The following STK3 variants were observed in gnomAD, a reference collection of about 807,000 sequenced individuals.
STK3 encodes serine/threonine kinase 3.
Under a neutral mutation model 58.0 loss-of-function variants are expected in STK3, and 41 were observed. That is an observed-to-expected ratio of 0.71 (90% CI 0.55 to 0.92). The LOEUF is 0.92. Among genes scored for constraint, STK3 ranks in the 40% least tolerant of loss-of-function variants. The pLI is 0.00. For missense variants in STK3, 479 were observed against 602.7 expected, an observed-to-expected ratio of 0.79 and a Z score of 2.15; for synonymous variants, 170 against 191.0, an observed-to-expected ratio of 0.89 and a Z score of 0.91.
At chr8:98,716,989 C>A (rs1193156951) in intron 4 of STK3, among the ~76,000 whole-genome samples, 3 of 151,974 alleles carry the variant, frequency 2.0e-5, no homozygotes, top group Non-Finnish European at 4.4e-5. Context: ...TAAGTAGAAT[C>A]CTTACCTAGC....
intron 3 of STK3, among the ~76,000 whole-genome samples, chr8:98,417,089 C>T (rs1425719015): frequency 6.6e-6 from 1 of 152,192 alleles, no homozygotes; most frequent in Admixed American, 6.5e-5. Context: ...CACATGTGGG[C>T]TCAGAGCAGA....
At chr8:98,418,747 A>G (rs1232140751) in intron 3 of STK3, among the ~76,000 whole-genome samples, 1 of 152,048 alleles carries the variant, frequency 6.6e-6, no homozygotes, top group East Asian at 1.9e-4. Flanking sequence ...GGGTTTTTGG[A>G]GCAGGGTCCT....
chr8:98,384,987 G>T (rs372498238), intron 1 of STK3, among the ~76,000 whole-genome samples: 2 of 152,116 alleles, frequency 1.3e-5, no homozygotes, highest in African/African-American at 4.8e-5. Flanking sequence ...TCACCTTATG[G>T]CCCTCCCACA....
chr8:98,501,704 C>T (rs142610228), intron 10 of STK3, among the ~76,000 whole-genome samples: 1,662 of 152,312 alleles, frequency 0.011, 24 homozygotes, highest in African/African-American at 0.037. Flanking sequence ...TGCCAAAGAT[C>T]AGATGGTTGT....
chr8:98,530,174 C>G (rs1044256375), intron 9 of STK3, among the ~76,000 whole-genome samples: 1 of 152,088 alleles, frequency 6.6e-6, no homozygotes, highest in Non-Finnish European at 1.5e-5. Flanking sequence ...TTCTTTTTAA[C>G]TTTTAAGGTC....
At chr8:98,776,632 G>A (rs921190802) in intron 1 of STK3, among the ~76,000 whole-genome samples, 2 of 152,082 alleles carry the variant, frequency 1.3e-5, no homozygotes, top group African/African-American at 4.8e-5. Flanking sequence ...TATTGTCGAT[G>A]ACTGGAACAC....
At chr8:98,574,776 A>T (rs890384611) in intron 8 of STK3, among the ~76,000 whole-genome samples, 1 of 152,184 alleles carries the variant, frequency 6.6e-6, no homozygotes, top group African/African-American at 2.4e-5. Context: ...TCCATGAAAA[A>T]GGAAGAACTC....
In STK3 at chr8:98,428,938, C is replaced by A; in HGVS notation, n.483+5189G>T. 6.2e-7 allele frequency: 1 copy of A among 1,614,098 alleles called. No homozygotes were observed. Among genetic ancestry groups the A allele is most frequent in the Non-Finnish European group, 8.5e-7 (1 of 1,180,016 alleles). On this transcript the variant is annotated intron_variant and non_coding_transcript_variant, in intron 3 of 3. Coordinates refer to the STK3 transcript ENST00000517832. This position sits in a 1 kb window ranked among gnomAD's most constrained non-coding sequence, Gnocchi z 6.7. ...TCCACTGGCCTCCGCTCCCTGGGGG[C>A]CACTTTGAAATACAGCTACAAAGAA... is the stretch of plus-strand genomic sequence containing the variant.
rs1564087231 is a variant in STK3 at position 98,893,482 on chromosome 8, GAAAGAGAAAGAAAGAA to G, written c.-78-9664_-78-9649del. On this transcript the variant is annotated intron_variant, in intron 1 of 1. Coordinates refer to the STK3 transcript ENST00000519420. ...AGAAAGAAAGAAAGAAAGAAAGAAA[GAAAGAGAAAGAAAGAA>G]AGAAAGAAAGAAAGAAAGAAAGAAA... 8.6e-3 allele frequency among the ~76,000 whole-genome samples: 483 copies of G among 56,248 alleles called. 3 individuals are homozygous for G. The highest frequency in any genetic ancestry group is 0.018 in the East Asian group (35 of 1,904). 36.9% of individuals were successfully genotyped at this position (56,248 alleles called of 152,430 possible).
intron 4 of STK3, among the ~76,000 whole-genome samples, chr8:98,738,221 T>A: frequency 6.6e-6 from 1 of 152,168 alleles, no homozygotes; most frequent in Non-Finnish European, 1.5e-5. Context: ...CTCATGCCTC[T>A]AATCTCAACA....
chr8:98,739,402 A>G (rs1828970673), intron 4 of STK3, among the ~76,000 whole-genome samples: 1 of 151,732 alleles, frequency 6.6e-6, no homozygotes, highest in Non-Finnish European at 1.5e-5. Flanking sequence ...CAAAACTTCC[A>G]GAGGAACGAT....
At chr8:98,690,449 CA>C (rs34742964) in intron 6 of STK3, among the ~76,000 whole-genome samples, 76 of 108,776 alleles carry the variant, frequency 7.0e-4, no homozygotes, top group South Asian at 2.3e-3. Flanking sequence ...CAATTCCTAC[CA>C]AAAAAAAAAA....
intron 10 of STK3, among the ~76,000 whole-genome samples, chr8:98,465,237 A>G (rs1820376421): frequency 1.3e-5 from 2 of 152,198 alleles, no homozygotes; most frequent in Admixed American, 1.3e-4. Flanking sequence ...GATCCACCCT[A>G]GGTCTCTCAG....
At chr8:98,352,723 C>T in the STK3 span, among the ~76,000 whole-genome samples, 4 of 152,116 alleles carry the variant, frequency 2.6e-5, no homozygotes, top group African/African-American at 4.8e-5. Flanking sequence ...CCCTAGCAGA[C>T]CTATATCCTG....
chr8:98,632,275 G>A (rs1819309143), intron 6 of STK3, among the ~76,000 whole-genome samples: 1 of 152,140 alleles, frequency 6.6e-6, no homozygotes, highest in South Asian at 2.1e-4. Context: ...AAAGAATAAA[G>A]TATAAATGAG....
downstream of STK3, chr8:98,881,306 T>G (rs1425477515): frequency 6.6e-6 from 1 of 152,242 alleles, no homozygotes; most frequent in Non-Finnish European, 1.5e-5. Flanking sequence ...TCCATCTATA[T>G]GACATTCTGG....
chr8:98,919,261 C>T lies in STK3; in HGVS notation c.-79+23117G>A, dbSNP rs74753504. Among the ~76,000 whole-genome samples, 921 of 152,326 alleles carry T rather than the reference C, an allele frequency of 6.0e-3. 6 individuals carry two copies. The highest frequency in any genetic ancestry group is 0.013 in the South Asian group (64 of 4,832). ...CTAATGTCTCTATCTCCAAAGACCT[C>T]TGTGAAATGCCAAGGTCTGACTTGA... On this transcript the variant is annotated intron_variant, in intron 1 of 1. Coordinates refer to the STK3 transcript ENST00000519420.
Position 98,724,786 on chromosome 8 carries a change from C to T in STK3, c.352-17475G>A, listed in dbSNP as rs117018035. On this transcript the variant is annotated intron_variant, in intron 4 of 10. Coordinates refer to ENST00000419617, the MANE Select transcript of STK3 (RefSeq NM_006281.4). The stretch of plus-strand genomic sequence containing the variant: ...ACCTTAAGCAAAATTATTCAGAAGA[C>T]GAAGAAGAGTCAGACCATGCAGAGA... 2.6e-4 allele frequency among the ~76,000 whole-genome samples: 40 copies of T among 152,164 alleles called. No homozygotes were observed. In the East Asian group the frequency reaches 6.6e-3, roughly 25 times the overall value.
At position 98,742,363 on chromosome 8, in the gene STK3, C is replaced by T. The variant is rs546074280; in HGVS notation, c.351+6913G>A. 2.9e-5 allele frequency among the ~76,000 whole-genome samples: 4 copies of T among 139,992 alleles called. No individual in the cohort carries two copies. In the East Asian group the frequency reaches 8.6e-4, roughly 30 times the overall value. The allele number at this position is 139,992 out of a possible 152,430, so 91.8% of individuals were successfully genotyped here. On this transcript the variant is annotated intron_variant, in intron 4 of 10. Coordinates refer to ENST00000419617, the MANE Select transcript of STK3 (RefSeq NM_006281.4). The stretch of plus-strand genomic sequence containing the variant: ...TACTGGCAAAACGAATCCAGCAGCA[C>T]ATCAAAAAGCTTATCCACCATGACC...
Sources: gnomAD v4.1 joint callset for allele counts (sites outside exome capture counted in the v4.1 genomes callset) on GRCh38, gnomAD v4.1.1 for gene constraint, Gnocchi (gnomAD v3.1) non-coding constraint, MANE v1.5 for transcripts, NCBI Gene and HGNC (gene_info 2026-07-23, HGNC 2026-07-21) for gene names.